TJP1: variants seen among roughly 807,000 people sequenced by gnomAD.
The protein encoded by TJP1 is tight junction protein 1, also known as tight junction protein ZO-1.
A neutral mutation model predicts 194.2 loss-of-function variants in TJP1; 43 were observed. That is an observed-to-expected ratio of 0.22 (90% CI 0.17 to 0.29). The LOEUF (loss-of-function observed/expected upper bound fraction) is 0.29. Ranked by LOEUF, TJP1 falls within the 10% of genes least tolerant of loss-of-function variation. The pLI is 1.00. For synonymous variants in TJP1, 801 were observed against 779.0 expected (o/e 1.03, Z -0.47); for missense variants, 1,971 against 2,185.7 (o/e 0.90, Z 1.96).
At chr15:29,888,811 G>A (rs1178747719) in intron 2 of TJP1, among the ~76,000 whole-genome samples, 1 of 152,202 alleles carries the variant, frequency 6.6e-6, no homozygotes, top group Admixed American at 6.5e-5. Flanking sequence ...CCAGTGTGTA[G>A]CCGCACACAC....
At chr15:29,898,247 T>C (rs889599162) in intron 2 of TJP1, among the ~76,000 whole-genome samples, 1 of 152,146 alleles carries the variant, frequency 6.6e-6, no homozygotes, top group African/African-American at 2.4e-5. Flanking sequence ...GTTTTAAAAA[T>C]GGGGGTTTTC....
intron 8 of TJP1, among the ~76,000 whole-genome samples, chr15:29,755,562 G>A (rs2045591250): frequency 6.6e-6 from 1 of 152,204 alleles, no homozygotes; most frequent in South Asian, 2.1e-4. Context: ...GAATTCAGTA[G>A]AGGCATTTCT....
chr15:29,777,861 C>T (rs543536107), intron 2 of TJP1, among the ~76,000 whole-genome samples: 25 of 152,218 alleles, frequency 1.6e-4, no homozygotes, highest in African/African-American at 6.0e-4. Flanking sequence ...CCTAAACACC[C>T]CAGCCTTAGT....
At chr15:29,911,256 C>T (rs1020153204) in intron 2 of TJP1, among the ~76,000 whole-genome samples, 12 of 152,160 alleles carry the variant, frequency 7.9e-5, no homozygotes, top group Non-Finnish European at 1.6e-4. Context: ...AACTTAACTC[C>T]AAAACCCAGA....
intron 21 of TJP1, 49 bp downstream of exon 21, chr15:29,718,217 C>G (rs1366407232): frequency 6.3e-7 from 1 of 1,594,570 alleles, no homozygotes; most frequent in South Asian, 1.1e-5. Flanking sequence ...AGCCAAGAAG[C>G]CTTTTAAACG....
intron 22 of TJP1, 84 bp from the exon 23 acceptor site, chr15:29,716,922 C>T: frequency 8.4e-7 from 1 of 1,192,664 alleles, no homozygotes; most frequent in South Asian, 1.5e-5. Context: ...CTTATCTTGA[C>T]TAAAAGGTCA....
chr15:29,883,960 C>T (rs1205928279), intron 2 of TJP1, among the ~76,000 whole-genome samples: 1 of 152,162 alleles, frequency 6.6e-6, no homozygotes, highest in African/African-American at 2.4e-5. Flanking sequence ...AAACAAAATG[C>T]TTGTGACAAG....
chr15:29,852,336 C>T (rs916118855), intron 2 of TJP1, among the ~76,000 whole-genome samples: 2 of 152,138 alleles, frequency 1.3e-5, no homozygotes, highest in Admixed American at 6.6e-5. Context: ...CAGGATATTC[C>T]GATGGCTAAT....
At chr15:29,805,882 T>TCAGAAGAAA (rs1343786980) in intron 1 of TJP1, among the ~76,000 whole-genome samples, 1 of 152,126 alleles carries the variant, frequency 6.6e-6, no homozygotes, top group Non-Finnish European at 1.5e-5. Context: ...GAAAGATGTT[T>TCAGAAGAAA]CAGAAGAAAC....
At position 29,772,956 on chromosome 15, in the gene TJP1, G is replaced by A. The variant is rs76416218; in HGVS notation, c.209+277C>T. On this transcript the variant is annotated intron_variant, in intron 3 of 27. Coordinates refer to ENST00000614355, the MANE Select transcript of TJP1 (RefSeq NM_001330239.4). ...ATTTTTAAACTTCTTTTGTAGAGATGGGGATCTCACTGCATTGCCCAGGCT... is the reference window on the plus strand; with the variant it reads ...ATTTTTAAACTTCTTTTGTAGAGATAGGGATCTCACTGCATTGCCCAGGCT... Among the ~76,000 whole-genome samples, 69 of 152,064 alleles carry A rather than the reference G, an allele frequency of 4.5e-4. 2 individuals are homozygous for A. In the East Asian group the frequency reaches 0.013, roughly 29 times the overall value.
chr15:29,725,089 G>A (rs2043161890), intron 18 of TJP1, among the ~76,000 whole-genome samples: 1 of 152,238 alleles, frequency 6.6e-6, no homozygotes, highest in Admixed American at 6.5e-5. Flanking sequence ...AGGTTAGTAT[G>A]AAGACTACAA....
chr15:29,946,251 A>G (rs896106980), intron 2 of TJP1, among the ~76,000 whole-genome samples: 6 of 152,266 alleles, frequency 3.9e-5, no homozygotes, highest in African/African-American at 1.2e-4. Flanking sequence ...TAATAAATGC[A>G]GAATGAATGA....
intron 18 of TJP1, among the ~76,000 whole-genome samples, chr15:29,724,288 A>G (rs530939885): frequency 3.4e-4 from 52 of 152,304 alleles, no homozygotes; most frequent in African/African-American, 1.2e-3. Context: ...GAATCCAGGG[A>G]TCTATCCTGT....
chr15:29,765,435 C>T (rs550456264), intron 5 of TJP1, among the ~76,000 whole-genome samples: 8 of 152,222 alleles, frequency 5.3e-5, no homozygotes, highest in African/African-American at 1.7e-4. Context: ...GAGCAAGCCA[C>T]AGTCAGATCC....
intron 2 of TJP1, among the ~76,000 whole-genome samples, chr15:29,833,914 T>C (rs1200319245): frequency 9.5e-6 from 1 of 105,534 alleles, no homozygotes; most frequent in Non-Finnish European, 1.9e-5. Context: ...GACGGAGTCT[T>C]GCTCTGTCCC....
rs2055634009 is a variant in TJP1 at position 29,950,066 on chromosome 15, ACCACCTCCACCACC to A, written c.306+6152_306+6165del. 2.1e-4 allele frequency among the ~76,000 whole-genome samples: 9 copies of A among 43,000 alleles called. 1 individual carries two copies. Among genetic ancestry groups the A allele is most frequent in the Admixed American group, 2.8e-4 (1 of 3,564 alleles). 28.2% of individuals were successfully genotyped at this position (43,000 alleles called of 152,430 possible). On this transcript the variant is annotated intron_variant, in intron 2 of 28. Transcript: ENST00000356107. Reference sequence around the variant, plus strand: ...CTCCACCACCACCACCTCCACCACCACCACCTCCACCACCACCATCTTCACCACCACCTCCACCA... The same window carrying A: ...CTCCACCACCACCACCTCCACCACCAACCATCTTCACCACCACCTCCACCA...
chr15:29,804,341 T>A (rs1567061985), intron 1 of TJP1, among the ~76,000 whole-genome samples: 1 of 152,154 alleles, frequency 6.6e-6, no homozygotes, highest in Admixed American at 6.5e-5. Context: ...CATAATAAAA[T>A]GCTGAGGAAA....
intron 26 of TJP1, among the ~76,000 whole-genome samples, chr15:29,704,967 AAC>A (rs1361299584): frequency 1.3e-5 from 2 of 152,246 alleles, no homozygotes; most frequent in Non-Finnish European, 2.9e-5. Flanking sequence ...GCTAAATCAC[AAC>A]ACACTTCGTT....
chr15:29,817,882 G>C (rs1290829707), intron 1 of TJP1, among the ~76,000 whole-genome samples: 1 of 151,994 alleles, frequency 6.6e-6, no homozygotes, highest in Non-Finnish European at 1.5e-5. Context: ...AAGCATTTAG[G>C]AAAAATACCT....
Sources: allele counts gnomAD v4.1 joint callset (sites outside exome capture counted in the v4.1 genomes callset), GRCh38; gene constraint gnomAD v4.1.1; transcripts MANE v1.5; gene names NCBI Gene and HGNC (gene_info 2026-07-23, HGNC 2026-07-21).